The following CIITA variants were observed in gnomAD, a reference collection of about 807,000 sequenced individuals.
CIITA encodes MHC class II transactivator.
A neutral mutation model predicts 115.1 loss-of-function variants in CIITA; 72 were observed. The observed-to-expected ratio is 0.63, with a 90% CI of 0.52 to 0.76. The LOEUF (loss-of-function observed/expected upper bound fraction) is 0.76. CIITA is among the 30% of genes least tolerant of loss of function. The pLI is 0.00. For synonymous variants in CIITA, 763 were observed against 635.6 expected, an observed-to-expected ratio of 1.20 and a Z score of -3.02; for missense variants, 1,617 against 1,463.8, an observed-to-expected ratio of 1.10 and a Z score of -1.71.
rs1350360156 is a variant in CIITA, at chr16:10,907,795, G to A, written c.2303G>A (p.Arg768His). ...GGGCTGATCTTCCAGCCTCCCGCCC[G>A]CTGCCTGGGAGCCCTACTCGGGCCA... ...LAGLIFQPPA[R>H]CLGALLGPSA... The change falls in exon 11 of 20, where the codon CGC (arginine) becomes CAC (histidine). Residue 768 changes from arginine (R) to histidine (H), a missense_variant. By Grantham distance (29) the Arg-to-His change is conservative. Coordinates refer to ENST00000324288, the MANE Select transcript of CIITA (RefSeq NM_000246.4). This position sits in a 1 kb window ranked among gnomAD's most constrained non-coding sequence, Gnocchi z 5.0. 1.2e-6 allele frequency: 2 copies of A among 1,614,146 alleles called. No individual in the cohort carries two copies. The highest frequency in any genetic ancestry group is 1.1e-5 in the South Asian group (1 of 91,080).
At chr16:10,902,472 C>A (rs374178689) in intron 7 of CIITA, among the ~76,000 whole-genome samples, 186 bp from the exon 8 acceptor site, 1 of 152,228 alleles carries the variant, frequency 6.6e-6, no homozygotes, top group South Asian at 2.1e-4. Context: ...CTTCATGGAG[C>A]CCCTTCTCTG....
chr16:10,931,717 A>AAAAC lies in CIITA; in HGVS notation c.*7874_*7877dup, dbSNP rs1195912256. ...ACATGGCGAAACCGCGTCTCTACTA[A>AAAAC]AAACAAACAAACAAAAATACAAAAT... is the stretch of plus-strand genomic sequence containing the variant. On this transcript the variant is annotated 3_prime_UTR_variant, in exon 20 of 20. Transcript: ENST00000324288. The AAAAC allele has an allele frequency of 6.6e-6, 1 of 152,218 alleles. No homozygotes were observed. The highest frequency in any genetic ancestry group is 2.4e-5 in the African/African-American group (1 of 41,454). 9.4% of individuals were successfully genotyped at this position (152,218 alleles called of 1,614,324 possible).
downstream of CIITA, chr16:10,938,846 G>C (rs1250533910): frequency 1.3e-5 from 2 of 152,216 alleles, no homozygotes; most frequent in African/African-American, 4.8e-5. The surrounding 1 kb of genome is among the most constrained non-coding windows in gnomAD (Gnocchi z 4.9). Flanking sequence ...AACAGCGTTT[G>C]CTGCAAAATA....
chr16:10,930,598 A>G lies in CIITA; in HGVS notation c.*6743A>G, dbSNP rs2040743754. The G allele has an allele frequency of 6.6e-6, 1 of 152,266 alleles. No individual in the cohort carries two copies. The highest frequency in any genetic ancestry group is 6.5e-5 in the Admixed American group (1 of 15,290). The allele number at this position is 152,266 out of a possible 1,614,324, so 9.4% of individuals were successfully genotyped here. A position where few individuals can be genotyped will look rare whatever the true frequency, so the allele number is the denominator to read the frequency against. On this transcript the variant is annotated 3_prime_UTR_variant, in exon 20 of 20. Coordinates refer to ENST00000324288, the MANE Select transcript of CIITA (RefSeq NM_000246.4). ...AGCCAAGTAACCTGCCTAAAGATGCACAGCTATGAGAGGCAAAGCTGGCAC... is the reference window on the plus strand; with the variant it reads ...AGCCAAGTAACCTGCCTAAAGATGCGCAGCTATGAGAGGCAAAGCTGGCAC...
chr16:10,893,804 TAAAAAAAAA>T (rs71136603), intron 1 of CIITA, among the ~76,000 whole-genome samples: 505 of 32,180 alleles, frequency 0.016, 12 homozygotes, highest in African/African-American at 0.049. Flanking sequence ...GACTCCGTCT[TAAAAAAAAA>T]AAAAAAAAAA....
At chr16:10,906,022 A>G (rs1320841661) in intron 10 of CIITA, among the ~76,000 whole-genome samples, 1 of 152,178 alleles carries the variant, frequency 6.6e-6, no homozygotes, top group African/African-American at 2.4e-5. Context: ...ACTTATCTCC[A>G]CAAAAAAACA....
rs71133402 is a variant in CIITA, at chr16:10,886,057, C to CTT, written c.52+8690_52+8691dup. Among the ~76,000 whole-genome samples, 327 of 132,170 alleles carry CTT rather than the reference C, an allele frequency of 2.5e-3. 4 individuals are homozygous for CTT. Among genetic ancestry groups the CTT allele is most frequent in the East Asian group, 6.6e-3 (30 of 4,566 alleles). The allele number at this position is 132,170 out of a possible 152,430, so 86.7% of individuals were successfully genotyped here. ...TGTGCTCTTATAAAACATGTTTTGCCTTTTTTTTTTTTTTTTAGATGGAGT... is the reference window on the plus strand; with the variant it reads ...TGTGCTCTTATAAAACATGTTTTGCCTTTTTTTTTTTTTTTTTTAGATGGAGT... On this transcript the variant is annotated intron_variant, in intron 1 of 19. Transcript: ENST00000324288.
chr16:10,887,954 G>A (rs1027628019), intron 1 of CIITA, among the ~76,000 whole-genome samples: 4 of 152,150 alleles, frequency 2.6e-5, no homozygotes, highest in Non-Finnish European at 2.9e-5. Context: ...TAATCTCAGC[G>A]CCTGCGTCTG....
Position 10,909,076 on chromosome 16 carries a change from A to T in CIITA, c.2705A>T (p.His902Leu), listed in dbSNP as rs751844925. Residue 902 changes from histidine to leucine, a missense_variant, in exon 12 of 20, where the codon CAT becomes CTT. Transcript: ENST00000324288. Reference sequence around the variant, plus strand: ...GCGCTGTGGGAGTCCCTGCAGCAGCATGGGGAGACCAAGCTACTTCAGGCA... The same window carrying T: ...GCGCTGTGGGAGTCCCTGCAGCAGCTTGGGGAGACCAAGCTACTTCAGGCA... ...TVALWESLQQHGETKLLQAAE... is the reference protein window; with the variant it reads ...TVALWESLQQLGETKLLQAAE... 1 of 1,614,010 alleles carries T rather than the reference A, an allele frequency of 6.2e-7. No individual in the cohort carries two copies. The highest frequency in any genetic ancestry group is 8.5e-7 in the Non-Finnish European group (1 of 1,179,970).
At position 10,929,876 on chromosome 16, in the gene CIITA, C is replaced by T. The variant is rs1440605147; in HGVS notation, c.*6021C>T. ...GGGAGGAGGGGGATGCTGGTGCAGC[C>T]TGCTCAGGAGTCACCCAGGGTCTGA... On this transcript the variant is annotated 3_prime_UTR_variant, in exon 20 of 20. Transcript: ENST00000324288. The surrounding 1 kb of genome is among the most constrained non-coding windows in gnomAD (Gnocchi z 4.3). 6.6e-6 allele frequency: 1 copy of T among 152,466 alleles called. No individual in the cohort carries two copies. The highest frequency in any genetic ancestry group is 1.9e-4 in the East Asian group (1 of 5,194). 9.4% of individuals were successfully genotyped at this position (152,466 alleles called of 1,614,324 possible).
chr16:10,875,150 G>A (rs2035746289), upstream of CIITA, among the ~76,000 whole-genome samples: 1 of 151,952 alleles, frequency 6.6e-6, no homozygotes, highest in Non-Finnish European at 1.5e-5. Flanking sequence ...GTAGAGAAAG[G>A]ATTTTGCCAC....
chr16:10,932,143 A>G lies in CIITA; in HGVS notation c.*8288A>G, dbSNP rs1343236815. On this transcript the variant is annotated 3_prime_UTR_variant, in exon 20 of 20. Coordinates refer to ENST00000324288, the MANE Select transcript of CIITA (RefSeq NM_000246.4). Reference sequence around the variant, plus strand: ...GACAGGGAGGTGACCCCAGGTTTCTATGTGTAGGGCGGGAGGATGTTCTGG... The same window carrying G: ...GACAGGGAGGTGACCCCAGGTTTCTGTGTGTAGGGCGGGAGGATGTTCTGG... 1 of 152,190 alleles carries G rather than the reference A, an allele frequency of 6.6e-6. No individual in the cohort carries two copies. Among genetic ancestry groups the G allele is most frequent in the East Asian group, 1.9e-4 (1 of 5,190 alleles). 9.4% of individuals were successfully genotyped at this position (152,190 alleles called of 1,614,324 possible).
upstream of CIITA, among the ~76,000 whole-genome samples, chr16:10,874,994 A>C (rs1402878347): frequency 6.6e-6 from 1 of 151,568 alleles, no homozygotes; most frequent in Non-Finnish European, 1.5e-5. Context: ...TTTGAGACTG[A>C]GTCTCACTCT....
intron 3 of CIITA, among the ~76,000 whole-genome samples, 179 bp downstream of exon 3, chr16:10,895,943 A>C (rs2038083746): frequency 6.6e-6 from 1 of 152,060 alleles, no homozygotes; most frequent in Non-Finnish European, 1.5e-5. Context: ...GGGGAGATGG[A>C]GGCCAGTGGG....
chr16:10,917,404 G>T (rs1307681983), intron 15 of CIITA, among the ~76,000 whole-genome samples: 1 of 151,210 alleles, frequency 6.6e-6, no homozygotes, highest in East Asian at 2.0e-4. Flanking sequence ...GAACTTCTGA[G>T]CTCAAGCCAT....
intron 13 of CIITA, 99 bp downstream of exon 13, chr16:10,910,358 C>T (rs1596566104): frequency 9.8e-7 from 1 of 1,018,422 alleles, no homozygotes; most frequent in Admixed American, 2.0e-5. Context: ...TCTCCAGAAT[C>T]ATTCTTACCC....
chr16:10,876,584 C>T (rs184845028), upstream of CIITA, among the ~76,000 whole-genome samples: 2 of 152,360 alleles, frequency 1.3e-5, no homozygotes, highest in East Asian at 3.9e-4. Context: ...AAGACACTAA[C>T]TTTCTCCCTA....
intron 16 of CIITA, 132 bp from the exon 17 acceptor site, chr16:10,922,035 T>A: frequency 1.2e-6 from 1 of 807,834 alleles, no homozygotes; most frequent in Non-Finnish European, 2.2e-6. Flanking sequence ...GGCTCTGTTG[T>A]GCAATAAATA....
intron 7 of CIITA, 125 bp from the exon 8 acceptor site, chr16:10,902,533 C>T (rs2038852475): frequency 1.7e-6 from 2 of 1,194,264 alleles, no homozygotes. Context: ...AGGACAGAAA[C>T]AGCTACTGCT....
Sources: allele counts gnomAD v4.1 joint callset (sites outside exome capture counted in the v4.1 genomes callset), GRCh38; gene constraint gnomAD v4.1.1; non-coding constraint Gnocchi (gnomAD v3.1); transcripts MANE v1.5; gene names NCBI Gene and HGNC (gene_info 2026-07-23, HGNC 2026-07-21).